CMTM5: variants seen among roughly 807,000 people sequenced by gnomAD.
CMTM5 encodes CKLF-like MARVEL transmembrane domain-containing protein 5.
CMTM5 carries 25 observed loss-of-function variants against 26.9 expected under a neutral mutation model. That is an observed-to-expected ratio of 0.93 (90% CI 0.68 to 1.30). The LOEUF (loss-of-function observed/expected upper bound fraction) is 1.30. Ranked by LOEUF, CMTM5 falls within the 50% of genes most tolerant of loss-of-function variation. The probability of loss-of-function intolerance (pLI) is 0.00; values close to 1 mark genes in which losing one functional copy is unlikely to be tolerated. For synonymous variants in CMTM5, 98 were observed against 115.5 expected, an observed-to-expected ratio of 0.85 and a Z score of 0.97; for missense variants, 292 against 289.6, an observed-to-expected ratio of 1.01 and a Z score of -0.06.
In CMTM5 at chr14:23,377,296, G is replaced by C. The variant is rs772759972; in HGVS notation, c.45G>C (p.Gly15=). The C allele has an allele frequency of 3.2e-5, 52 of 1,612,374 alleles. No individual in the cohort carries two copies. The highest frequency in any genetic ancestry group is 4.3e-5 in the Non-Finnish European group (51 of 1,179,308). The change falls in exon 1 of 6, where the codon GGG becomes GGC. Residue 15 remains glycine (G), a synonymous_variant. Coordinates refer to ENST00000339180, the MANE Select transcript of CMTM5 (RefSeq NM_001288746.2). This position sits in a 1 kb window ranked among gnomAD's most constrained non-coding sequence, Gnocchi z 4.6. Reference sequence around the variant, plus strand: ...GCCGGGACCGGCACCCTGAGGAGGGGGTAGTTGCAGAGCTCCAGGGCTTCG... The same window carrying C: ...GCCGGGACCGGCACCCTGAGGAGGGCGTAGTTGCAGAGCTCCAGGGCTTCG... ...RDRRDRHPEE[G]VVAELQGFAV... is the part of the protein sequence containing the mutation.
At position 23,379,638 on chromosome 14, in the gene CMTM5, T is replaced by A. The variant is rs1191541584; in HGVS notation, c.*151T>A. On this transcript the variant is annotated 3_prime_UTR_variant, in exon 6 of 6. Coordinates refer to ENST00000339180, the MANE Select transcript of CMTM5 (RefSeq NM_001288746.2). Reference sequence around the variant, plus strand: ...CCTGAGACGTCACTGGGGACTTATCTGTGGAGCCTGGTGCTCCAGGATGTG... The same window carrying A: ...CCTGAGACGTCACTGGGGACTTATCAGTGGAGCCTGGTGCTCCAGGATGTG... The A allele has an allele frequency of 2.1e-6, 3 of 1,445,580 alleles. No homozygotes were observed. Among genetic ancestry groups the A allele is most frequent in the Non-Finnish European group, 2.7e-6 (3 of 1,094,720 alleles). 89.5% of individuals were successfully genotyped at this position (1,445,580 alleles called of 1,614,324 possible).
In CMTM5 at chr14:23,378,703, C is replaced by A; in HGVS notation, c.314C>A (p.Pro105Gln). ...CACGGGCAATCAGGAGGACCACATCCGCTAGATCTACTCTCCCACTCAGCA... is the reference window on the plus strand; with the variant it reads ...CACGGGCAATCAGGAGGACCACATCAGCTAGATCTACTCTCCCACTCAGCA... Reference protein sequence around the residue: ...QGHGQSGGPHPLDLLSHSAKV... With the variant: ...QGHGQSGGPHQLDLLSHSAKV... The change falls in exon 3 of 6, where the codon CCG becomes CAG. Residue 105 changes from proline (P) to glutamine (Q), a missense_variant. Transcript: ENST00000339180. The surrounding 1 kb of genome is among the most constrained non-coding windows in gnomAD (Gnocchi z 4.2). 6.2e-7 allele frequency: 1 copy of A among 1,612,770 alleles called. No individual in the cohort carries two copies. The highest frequency in any genetic ancestry group is 8.5e-7 in the Non-Finnish European group (1 of 1,179,844).
Position 23,379,680 on chromosome 14 carries a change from T to G in CMTM5, c.*193T>G. The G allele has an allele frequency of 4.2e-6, 4 of 954,678 alleles. No homozygotes were observed. Among genetic ancestry groups the G allele is most frequent in the East Asian group, 4.8e-5 (1 of 20,716 alleles). 59.1% of individuals were successfully genotyped at this position (954,678 alleles called of 1,614,324 possible). A position where few individuals can be genotyped will look rare whatever the true frequency, so the allele number is the denominator to read the frequency against. ...CAGGATGTGGCTTCTCATGAAGCTC[T>G]GGCCAGAGGAGGGGAACTTATTGGG... On this transcript the variant is annotated 3_prime_UTR_variant, in exon 6 of 6. Transcript: ENST00000339180.
chr14:23,378,343 C>A lies in CMTM5; in HGVS notation c.127-6C>A. The A allele has an allele frequency of 6.2e-7, 1 of 1,613,914 alleles. No homozygotes were observed. The highest frequency in any genetic ancestry group is 8.5e-7 in the Non-Finnish European group (1 of 1,179,912). ...CTTGGCATGTTCCACATGCTCGGTC[C>A]TGCAGGCCCTGACCCTCATCATCTT... On this transcript the variant is annotated splice_region_variant and splice_polypyrimidine_tract_variant and intron_variant, in intron 1 of 5. Transcript: ENST00000339180. This position sits in a 1 kb window ranked among gnomAD's most constrained non-coding sequence, Gnocchi z 4.2.
Position 23,379,597 on chromosome 14 carries a change from C to T in CMTM5, c.*110C>T. On this transcript the variant is annotated 3_prime_UTR_variant, in exon 6 of 6. Coordinates refer to ENST00000339180, the MANE Select transcript of CMTM5 (RefSeq NM_001288746.2). The stretch of plus-strand genomic sequence containing the variant: ...CAGCCCGCCAAACCCCACCCCAGCC[C>T]TACACAGCAGTCTGGCCTGAGACGT... The T allele has an allele frequency of 1.9e-6, 3 of 1,553,692 alleles. No homozygotes were observed. Among genetic ancestry groups the T allele is most frequent in the African/African-American group, 2.7e-5 (2 of 73,714 alleles).
At chr14:23,376,951 G>C, upstream of CMTM5, 1 of 390,668 alleles carries the variant, frequency 2.6e-6, no homozygotes, top group Non-Finnish European at 4.6e-6. Flanking sequence ...TTCCAGGCTG[G>C]GTTGGGCTCT....
In CMTM5 at chr14:23,379,613, C is replaced by G. The variant is rs765333824; in HGVS notation, c.*126C>G. 2.0e-6 allele frequency: 3 copies of G among 1,528,230 alleles called. No homozygotes were observed. Among genetic ancestry groups the G allele is most frequent in the Admixed American group, 3.9e-5 (2 of 51,064 alleles). The allele number at this position is 1,528,230 out of a possible 1,614,324, so 94.7% of individuals were successfully genotyped here. ...ACCCCAGCCCTACACAGCAGTCTGGCCTGAGACGTCACTGGGGACTTATCT... is the reference window on the plus strand; with the variant it reads ...ACCCCAGCCCTACACAGCAGTCTGGGCTGAGACGTCACTGGGGACTTATCT... On this transcript the variant is annotated 3_prime_UTR_variant, in exon 6 of 6. Transcript: ENST00000339180.
chr14:23,379,696 A>T lies in CMTM5; in HGVS notation c.*209A>T. Reference sequence around the variant, plus strand: ...ATGAAGCTCTGGCCAGAGGAGGGGAACTTATTGGGGGAGGGGGGGTGGAGG... The same window carrying T: ...ATGAAGCTCTGGCCAGAGGAGGGGATCTTATTGGGGGAGGGGGGGTGGAGG... On this transcript the variant is annotated 3_prime_UTR_variant, in exon 6 of 6. Transcript: ENST00000339180. The T allele has an allele frequency of 9.8e-7, 1 of 1,017,656 alleles. No homozygotes were observed. The highest frequency in any genetic ancestry group is 1.3e-6 in the Non-Finnish European group (1 of 743,820). The allele number at this position is 1,017,656 out of a possible 1,614,324, so 63.0% of individuals were successfully genotyped here.
At position 23,379,668 on chromosome 14, in the gene CMTM5, C is replaced by A. The variant is rs866139549; in HGVS notation, c.*181C>A. On this transcript the variant is annotated 3_prime_UTR_variant, in exon 6 of 6. Coordinates refer to ENST00000339180, the MANE Select transcript of CMTM5 (RefSeq NM_001288746.2). ...AGCCTGGTGCTCCAGGATGTGGCTT[C>A]TCATGAAGCTCTGGCCAGAGGAGGG... The A allele has an allele frequency of 7.2e-7, 1 of 1,380,176 alleles. No individual in the cohort carries two copies. The highest frequency in any genetic ancestry group is 2.8e-5 in the East Asian group (1 of 35,364). The allele number at this position is 1,380,176 out of a possible 1,614,324, so 85.5% of individuals were successfully genotyped here.
At position 23,377,049 on chromosome 14, in the gene CMTM5, C is replaced by G; in HGVS notation, c.-203C>G. The G allele has an allele frequency of 1.6e-6, 1 of 630,630 alleles. No individual in the cohort carries two copies. The highest frequency in any genetic ancestry group is 2.0e-5 in the South Asian group (1 of 49,356). The allele number at this position is 630,630 out of a possible 1,614,324, so 39.1% of individuals were successfully genotyped here. A position where few individuals can be genotyped will look rare whatever the true frequency, so the allele number is the denominator to read the frequency against. On this transcript the variant is annotated 5_prime_UTR_variant, in exon 1 of 6. Coordinates refer to ENST00000339180, the MANE Select transcript of CMTM5 (RefSeq NM_001288746.2). The surrounding 1 kb of genome is among the most constrained non-coding windows in gnomAD (Gnocchi z 4.6). ...TGGTGCAGGCAGCAGCAGAGGCACT[C>G]TGGGCAGCTGGGTGAGGGCCCATCT... is the stretch of plus-strand genomic sequence containing the variant.
Position 23,378,301 on chromosome 14 carries a change from C to A in CMTM5, c.127-48C>A. The stretch of plus-strand genomic sequence containing the variant: ...AGGAGGGGAAGGCAAAGCCCTGGCC[C>A]CTGCCTGTGTCCCCTTCTTGGCATG... On this transcript the variant is annotated intron_variant, in intron 1 of 5. Transcript: ENST00000339180. This position sits in a 1 kb window ranked among gnomAD's most constrained non-coding sequence, Gnocchi z 4.2. The A allele has an allele frequency of 6.2e-7, 1 of 1,604,624 alleles. No homozygotes were observed. Among genetic ancestry groups the A allele is most frequent in the Non-Finnish European group, 8.5e-7 (1 of 1,174,456 alleles).
chr14:23,378,855 T>A lies in CMTM5; in HGVS notation c.466T>A (p.Ser156Thr). 6.2e-7 allele frequency: 1 copy of A among 1,613,042 alleles called. No homozygotes were observed. The highest frequency in any genetic ancestry group is 1.1e-5 in the South Asian group (1 of 91,042). Reference sequence around the variant, plus strand: ...GTTGCTCTGGTTCATCTGCTTCCACTCCCTGGGTAGCAGTGTGAGCGCTCT... The same window carrying A: ...GTTGCTCTGGTTCATCTGCTTCCACACCCTGGGTAGCAGTGTGAGCGCTCT... ...SWLLWFICFH[S>T]LGSSDFLRCV... Residue 156 changes from serine (S) to threonine (T), a missense_variant, in exon 3 of 6, where the codon TCC becomes ACC. Coordinates refer to ENST00000339180, the MANE Select transcript of CMTM5 (RefSeq NM_001288746.2). This position sits in a 1 kb window ranked among gnomAD's most constrained non-coding sequence, Gnocchi z 4.2.
chr14:23,378,823 G>A lies in CMTM5; in HGVS notation c.434G>A (p.Trp145Ter). 1 of 1,612,760 alleles carries A rather than the reference G, an allele frequency of 6.2e-7. No individual in the cohort carries two copies. Among genetic ancestry groups the A allele is most frequent in the Non-Finnish European group, 8.5e-7 (1 of 1,179,828 alleles). The change falls in exon 3 of 6, where the codon TGG becomes TAG. Residue 145 changes from tryptophan to a stop codon, truncating the protein, a stop_gained. Transcript: ENST00000339180. LOFTEE classifies it high-confidence loss of function. This position sits in a 1 kb window ranked among gnomAD's most constrained non-coding sequence, Gnocchi z 4.2. ...GTTCCAGCCCCAGCGCCTGGCTTCT[G>A]GTCCTGGTTGCTCTGGTTCATCTGC... ...PWVPAPAPGFWSWLLWFICFH... is the reference protein window; with the variant it reads ...PWVPAPAPGF
Position 23,379,092 on chromosome 14 carries a change from C to A in CMTM5, c.542C>A (p.Thr181Asn). The A allele has an allele frequency of 6.2e-7, 1 of 1,614,030 alleles. No individual in the cohort carries two copies. The change falls in exon 4 of 6, where the codon ACC becomes AAC. Residue 181 changes from threonine (T) to asparagine (N), a missense_variant. Coordinates refer to ENST00000339180, the MANE Select transcript of CMTM5 (RefSeq NM_001288746.2). ...CTGGTGGTCTCCTTTGCAGCTGTGACCTCCCGGGACGGAGCTGCCATTGCT... is the reference window on the plus strand; with the variant it reads ...CTGGTGGTCTCCTTTGCAGCTGTGAACTCCCGGGACGGAGCTGCCATTGCT... ...IFLVVSFAAV[T>N]SRDGAAIAAF... is the part of the protein sequence containing the mutation.
In CMTM5 at chr14:23,379,714, G is replaced by A; in HGVS notation, c.*227G>A. The stretch of plus-strand genomic sequence containing the variant: ...GAGGGGAACTTATTGGGGGAGGGGG[G>A]GTGGAGGGGAGGAATCTGGACCTCT... On this transcript the variant is annotated 3_prime_UTR_variant, in exon 6 of 6. Coordinates refer to ENST00000339180, the MANE Select transcript of CMTM5 (RefSeq NM_001288746.2). 1 of 952,320 alleles carries A rather than the reference G, an allele frequency of 1.1e-6. No individual in the cohort carries two copies. The highest frequency in any genetic ancestry group is 1.5e-6 in the Non-Finnish European group (1 of 678,804). 59.0% of individuals were successfully genotyped at this position (952,320 alleles called of 1,614,324 possible).
chr14:23,379,586 C>A lies in CMTM5; in HGVS notation c.*99C>A. On this transcript the variant is annotated 3_prime_UTR_variant, in exon 6 of 6. Coordinates refer to ENST00000339180, the MANE Select transcript of CMTM5 (RefSeq NM_001288746.2). ...TCACTAGCCCCCAGCCCGCCAAACC[C>A]CACCCCAGCCCTACACAGCAGTCTG... The A allele has an allele frequency of 6.4e-7, 1 of 1,566,160 alleles. No individual in the cohort carries two copies. The highest frequency in any genetic ancestry group is 2.3e-5 in the East Asian group (1 of 42,628).
At position 23,377,632 on chromosome 14, in the gene CMTM5, G is replaced by A. The variant is rs577282347; in HGVS notation, c.126+255G>A. 4.1e-5 allele frequency: 17 copies of A among 416,964 alleles called. No homozygotes were observed. Among genetic ancestry groups the A allele is most frequent in the African/African-American group, 3.3e-4 (16 of 48,880 alleles). 25.8% of individuals were successfully genotyped at this position (416,964 alleles called of 1,614,324 possible). A position where few individuals can be genotyped will look rare whatever the true frequency, so the allele number is the denominator to read the frequency against. On this transcript the variant is annotated intron_variant, in intron 1 of 5. Transcript: ENST00000339180. The surrounding 1 kb of genome is among the most constrained non-coding windows in gnomAD (Gnocchi z 4.6). ...ACAGGGTGACTTTTTGGGACATTGA[G>A]GAAGCTTGAGACATAGGGATGGGAC... is the stretch of plus-strand genomic sequence containing the variant.
Position 23,378,326 on chromosome 14 carries a change from G to A in CMTM5, c.127-23G>A. 1 of 1,612,928 alleles carries A rather than the reference G, an allele frequency of 6.2e-7. No homozygotes were observed. The highest frequency in any genetic ancestry group is 8.5e-7 in the Non-Finnish European group (1 of 1,179,468). Reference sequence around the variant, plus strand: ...CCTGCCTGTGTCCCCTTCTTGGCATGTTCCACATGCTCGGTCCTGCAGGCC... The same window carrying A: ...CCTGCCTGTGTCCCCTTCTTGGCATATTCCACATGCTCGGTCCTGCAGGCC... On this transcript the variant is annotated intron_variant, in intron 1 of 5. Transcript: ENST00000339180. This position sits in a 1 kb window ranked among gnomAD's most constrained non-coding sequence, Gnocchi z 4.2.
rs965694332 is a variant in CMTM5, at chr14:23,377,564, A to G, written c.126+187A>G. ...TCTTGCTGCCTCTCCACCCGGAGAC[A>G]TTTACAGCAGGTTTCAGTTGCAGCA... is the stretch of plus-strand genomic sequence containing the variant. On this transcript the variant is annotated intron_variant, in intron 1 of 5. Coordinates refer to ENST00000339180, the MANE Select transcript of CMTM5 (RefSeq NM_001288746.2). The surrounding 1 kb of genome is among the most constrained non-coding windows in gnomAD (Gnocchi z 4.6). 8.6e-6 allele frequency: 5 copies of G among 583,788 alleles called. No individual in the cohort carries two copies. Among genetic ancestry groups the G allele is most frequent in the Non-Finnish European group, 1.4e-5 (5 of 360,596 alleles). The allele number at this position is 583,788 out of a possible 1,614,324, so 36.2% of individuals were successfully genotyped here.
Sources: allele counts gnomAD v4.1 joint callset, GRCh38; gene constraint gnomAD v4.1.1; non-coding constraint Gnocchi (gnomAD v3.1); transcripts MANE v1.5; gene names NCBI Gene and HGNC (gene_info 2026-07-23, HGNC 2026-07-21).